The following CCDC12 variants were observed in gnomAD, a reference collection of about 807,000 sequenced individuals.
CCDC12 encodes the protein coiled-coil domain-containing protein 12.
Under a neutral mutation model 25.7 loss-of-function variants are expected in CCDC12, and 28 were observed. The observed-to-expected ratio is 1.09, with a 90% CI of 0.81 to 1.50. The LOEUF (loss-of-function observed/expected upper bound fraction) is 1.50. CCDC12 is among the 40% of genes most tolerant of loss of function. The pLI is 0.00. For synonymous variants in CCDC12, 75 were observed against 87.7 expected, an observed-to-expected ratio of 0.86 and a Z score of 0.81; for missense variants, 198 against 210.0, an observed-to-expected ratio of 0.94 and a Z score of 0.35.
At chr3:46,925,393 T>G (rs1358285509) in intron 3 of CCDC12, 63 bp downstream of exon 3, 2 of 1,386,308 alleles carry the variant, frequency 1.4e-6, no homozygotes, top group Admixed American at 1.7e-5. Context: ...GAGCAAAGCC[T>G]GCTGAGGTGG....
At chr3:46,970,993 G>A (rs1320258535) in intron 1 of CCDC12, among the ~76,000 whole-genome samples, 1 of 152,184 alleles carries the variant, frequency 6.6e-6, no homozygotes, top group Non-Finnish European at 1.5e-5. Context: ...TTGGCTACCA[G>A]AGTACCCCAG....
chr3:46,963,930 T>C (rs2034547241), intron 1 of CCDC12, among the ~76,000 whole-genome samples: 1 of 151,546 alleles, frequency 6.6e-6, no homozygotes, highest in African/African-American at 2.4e-5. Context: ...GTCTGGGATG[T>C]GAGGAGCCCC....
upstream of CCDC12, chr3:46,977,114 C>T: frequency 4.6e-6 from 1 of 219,736 alleles, no homozygotes. Context: ...TCACTCCATG[C>T]TGGCCTCTTG....
At chr3:46,976,876 C>A, upstream of CCDC12, 1 of 1,376,634 alleles carries the variant, frequency 7.3e-7, no homozygotes, top group South Asian at 1.5e-5. Context: ...TTATTATGGG[C>A]GAGCCCTCCC....
At chr3:46,948,103 C>T (rs181415795) in intron 1 of CCDC12, among the ~76,000 whole-genome samples, 27 of 152,330 alleles carry the variant, frequency 1.8e-4, no homozygotes, top group Admixed American at 1.6e-3. Context: ...ATGTTCTCAG[C>T]AATCCTGTAA....
At chr3:46,956,184 C>G (rs2034283258) in intron 1 of CCDC12, among the ~76,000 whole-genome samples, 1 of 152,184 alleles carries the variant, frequency 6.6e-6, no homozygotes, top group Non-Finnish European at 1.5e-5. Context: ...AGAAAACCAC[C>G]AAACTGGTAG....
intron 2 of CCDC12, among the ~76,000 whole-genome samples, chr3:46,927,735 G>A (rs972981028): frequency 2.0e-5 from 3 of 152,204 alleles, no homozygotes; most frequent in African/African-American, 7.2e-5. Context: ...GCTCTATCAA[G>A]CTGGGTCCAC....
At chr3:46,939,450 A>C (rs2033605517) in intron 2 of CCDC12, among the ~76,000 whole-genome samples, 1 of 152,092 alleles carries the variant, frequency 6.6e-6, no homozygotes, top group Non-Finnish European at 1.5e-5. Flanking sequence ...GTTTTTGAGA[A>C]ACTAAGAATA....
rs149367770 is a variant in CCDC12, at chr3:46,938,719, G to A, written c.164+2279C>T. On this transcript the variant is annotated intron_variant, in intron 2 of 6. Transcript: ENST00000683445. The stretch of plus-strand genomic sequence containing the variant: ...AAAAATTAGCTGGGCATAGTGGTGC[G>A]CACCTGTGGTCCCAGCTTCTTGGGA... 6.4e-3 allele frequency among the ~76,000 whole-genome samples: 978 copies of A among 151,640 alleles called. 10 individuals carry two copies. The highest frequency in any genetic ancestry group is 0.023 in the African/African-American group (937 of 41,298).
chr3:46,925,586 C>CTCAT (rs759074209), intron 2 of CCDC12, 51 bp from the exon 3 acceptor site: 86 of 1,379,658 alleles, frequency 6.2e-5, no homozygotes, highest in Non-Finnish European at 3.0e-5. Flanking sequence ...GTGACATGGT[C>CTCAT]TCATTCATTC....
chr3:46,949,386 T>C (rs1365769397), intron 1 of CCDC12, among the ~76,000 whole-genome samples: 1 of 152,134 alleles, frequency 6.6e-6, no homozygotes, highest in Non-Finnish European at 1.5e-5. Context: ...AATAACCTCT[T>C]GAAAGGTCAC....
At chr3:46,933,558 T>C (rs1341560861) in intron 2 of CCDC12, among the ~76,000 whole-genome samples, 1 of 152,250 alleles carries the variant, frequency 6.6e-6, no homozygotes, top group Non-Finnish European at 1.5e-5. Context: ...ATCTGCATCA[T>C]GCGGTCTGCA....
chr3:46,927,216 C>T (rs1037550546), intron 2 of CCDC12, among the ~76,000 whole-genome samples: 2 of 152,178 alleles, frequency 1.3e-5, no homozygotes, highest in African/African-American at 4.8e-5. Flanking sequence ...CCCACCCCGT[C>T]CCCCATCCTT....
chr3:46,951,311 CA>C (rs1239200300), intron 1 of CCDC12, among the ~76,000 whole-genome samples: 3 of 151,934 alleles, frequency 2.0e-5, no homozygotes, highest in Non-Finnish European at 4.4e-5. Flanking sequence ...TACTGCACAG[CA>C]TGGTGATCGG....
At chr3:46,932,693 G>A (rs1015931999) in intron 2 of CCDC12, among the ~76,000 whole-genome samples, 1 of 152,222 alleles carries the variant, frequency 6.6e-6, no homozygotes, top group Non-Finnish European at 1.5e-5. Flanking sequence ...AGGCCTCCAA[G>A]CAAGTCCTGG....
At chr3:46,978,850 A>C (rs1183424779), upstream of CCDC12, among the ~76,000 whole-genome samples, 1 of 152,026 alleles carries the variant, frequency 6.6e-6, no homozygotes, top group African/African-American at 2.4e-5. Flanking sequence ...GGGCCTGGTG[A>C]CACGCGCCTG....
intron 1 of CCDC12, among the ~76,000 whole-genome samples, chr3:46,965,023 C>T (rs1575562365): frequency 1.3e-5 from 2 of 151,700 alleles, no homozygotes; most frequent in East Asian, 1.9e-4. Flanking sequence ...GTCAAGAGGA[C>T]CATAAGGAAA....
intron 1 of CCDC12, among the ~76,000 whole-genome samples, chr3:46,958,298 T>C (rs1259817050): frequency 6.6e-6 from 1 of 152,186 alleles, no homozygotes; most frequent in African/African-American, 2.4e-5. Context: ...TAAGTAAACT[T>C]ACTGAGGGTC....
At chr3:46,957,960 TACACAC>T (rs367926661) in intron 1 of CCDC12, among the ~76,000 whole-genome samples, 4,204 of 64,732 alleles carry the variant, frequency 0.065, 86 homozygotes, top group South Asian at 0.16. Context: ...AAAAAATAAA[TACACAC>T]ACACACACAC....
Sources: gnomAD v4.1 joint callset for allele counts (sites outside exome capture counted in the v4.1 genomes callset) on GRCh38, gnomAD v4.1.1 for gene constraint, MANE v1.5 for transcripts, NCBI Gene and HGNC (gene_info 2026-07-23, HGNC 2026-07-21) for gene names.